The following PUM2 variants were observed in gnomAD, a reference collection of about 807,000 sequenced individuals.
PUM2 encodes pumilio RNA binding family member 2.
A neutral mutation model predicts 124.5 loss-of-function variants in PUM2; 57 were observed. The observed-to-expected ratio is 0.46, with a 90% confidence interval of 0.37 to 0.57. The LOEUF is 0.57. Among genes scored for constraint, PUM2 ranks in the 20% least tolerant of loss-of-function variants. The pLI is 0.00. For missense variants in PUM2, 1,065 were observed against 1,290.6 expected (o/e 0.83, Z 2.68); for synonymous variants, 460 against 446.1 (o/e 1.03, Z -0.39).
intron 3 of PUM2, among the ~76,000 whole-genome samples, chr2:20,315,836 C>CAAAAAA (rs60828412): frequency 2.2e-4 from 16 of 72,286 alleles, no homozygotes; most frequent in African/African-American, 6.8e-4. Context: ...AACCTGGTCT[C>CAAAAAA]AAAAAAAAAA....
chr2:20,322,936 A>C (rs1682734406), intron 2 of PUM2, among the ~76,000 whole-genome samples: 1 of 152,228 alleles, frequency 6.6e-6, no homozygotes, highest in South Asian at 2.1e-4. Flanking sequence ...TGTTAATGAA[A>C]GATATTAACA....
intron 7 of PUM2, among the ~76,000 whole-genome samples, chr2:20,306,980 GA>G (rs1678478914): frequency 6.6e-6 from 1 of 151,870 alleles, no homozygotes; most frequent in African/African-American, 2.4e-5. Context: ...TTGGGAGGCC[GA>G]GGGGGGGCTG....
chr2:20,315,343 G>A (rs775611350), intron 3 of PUM2, among the ~76,000 whole-genome samples: 2 of 152,140 alleles, frequency 1.3e-5, no homozygotes, highest in Non-Finnish European at 2.9e-5. Flanking sequence ...CTGCTGAGAG[G>A]AAGTATGTCA....
intron 1 of PUM2, among the ~76,000 whole-genome samples, chr2:20,344,349 C>A (rs1687802466): frequency 6.6e-6 from 1 of 152,190 alleles, no homozygotes; most frequent in Admixed American, 6.5e-5. Context: ...CGCCCAGCCT[C>A]ATAGTCTTTC....
chr2:20,349,266 C>G (rs961400274), intron 1 of PUM2, among the ~76,000 whole-genome samples: 1 of 152,146 alleles, frequency 6.6e-6, no homozygotes, highest in Non-Finnish European at 1.5e-5. Flanking sequence ...GGACTTAAAT[C>G]CTCAAGAACC....
chr2:20,262,826 A>C (rs1666626706), intron 14 of PUM2, among the ~76,000 whole-genome samples: 1 of 152,218 alleles, frequency 6.6e-6, no homozygotes, highest in Non-Finnish European at 1.5e-5. Context: ...ACTGAATACC[A>C]ACCTATAATG....
In PUM2 at chr2:20,294,369, G is replaced by T. The variant is rs781092829; in HGVS notation, c.1152+7C>A. ...ACTTGGTATTACTTAATAGAAGGAAGGCCTACCTGTTGCTGTCCAGGCTGA... is the reference window on the plus strand; with the variant it reads ...ACTTGGTATTACTTAATAGAAGGAATGCCTACCTGTTGCTGTCCAGGCTGA... On this transcript the variant is annotated splice_region_variant and intron_variant, in intron 9 of 20. Transcript: ENST00000361078. 1.2e-6 allele frequency: 2 copies of T among 1,612,322 alleles called. No homozygotes were observed. The highest frequency in any genetic ancestry group is 1.7e-6 in the Non-Finnish European group (2 of 1,178,962).
At chr2:20,349,988 A>T (rs1479881349) in intron 1 of PUM2, among the ~76,000 whole-genome samples, 3 of 152,130 alleles carry the variant, frequency 2.0e-5, no homozygotes, top group Non-Finnish European at 2.9e-5. Flanking sequence ...CAGATACAAA[A>T]CTACTGCTCA....
At chr2:20,313,764 A>T (rs1191751506) in intron 3 of PUM2, among the ~76,000 whole-genome samples, 1 of 135,782 alleles carries the variant, frequency 7.4e-6, no homozygotes, top group Non-Finnish European at 1.5e-5. Context: ...TGAACTCAGG[A>T]GGTTGAAGCT....
intron 1 of PUM2, among the ~76,000 whole-genome samples, chr2:20,329,050 G>A (rs1205792667): frequency 6.6e-6 from 1 of 151,902 alleles, no homozygotes; most frequent in Non-Finnish European, 1.5e-5. Context: ...GCATGCCTGT[G>A]GTCCCAGCAA....
intron 8 of PUM2, among the ~76,000 whole-genome samples, chr2:20,295,631 C>T (rs182781931): frequency 4.0e-5 from 6 of 151,442 alleles, no homozygotes; most frequent in African/African-American, 7.3e-5. Context: ...AAGGATACAT[C>T]GTAAAAATAA....
intron 10 of PUM2, among the ~76,000 whole-genome samples, chr2:20,290,041 CCATT>C (rs1673637938): frequency 6.6e-6 from 1 of 152,148 alleles, no homozygotes; most frequent in South Asian, 2.1e-4. Flanking sequence ...CGTTCTTCCT[CCATT>C]ATTATTAGTG....
intron 3 of PUM2, among the ~76,000 whole-genome samples, chr2:20,316,378 T>C (rs1680940186): frequency 6.6e-6 from 1 of 151,938 alleles, no homozygotes; most frequent in African/African-American, 2.4e-5. Context: ...ATTTAGAGAA[T>C]AAGAAAATAT....
rs1188364002 is a variant in PUM2 at position 20,301,821 on chromosome 2, A to G, written c.884-4143T>C. Among the ~76,000 whole-genome samples the G allele has an allele frequency of 2.6e-5, 4 of 152,062 alleles. No homozygotes were observed. The East Asian group carries it at 7.7e-4, about 29-fold the overall frequency. The stretch of plus-strand genomic sequence containing the variant: ...TCAAACTCCTGGGCTCAAGCAATCC[A>G]CCCAACTTGACCTCCCCACAATGCT... On this transcript the variant is annotated intron_variant, in intron 7 of 20. Coordinates refer to ENST00000361078, the MANE Select transcript of PUM2 (RefSeq NM_015317.5).
At chr2:20,318,080 A>T (rs1277432649) in intron 3 of PUM2, among the ~76,000 whole-genome samples, 2 of 152,184 alleles carry the variant, frequency 1.3e-5, no homozygotes, top group East Asian at 3.8e-4. Flanking sequence ...TTGAATGGTA[A>T]TTCTGTTTTT....
intron 1 of PUM2, among the ~76,000 whole-genome samples, chr2:20,349,317 ACCTTTT>A (rs1688851133): frequency 6.6e-6 from 1 of 152,180 alleles, no homozygotes; most frequent in South Asian, 2.1e-4. Context: ...ATTATCGTAA[ACCTTTT>A]CTGCATACAA....
chr2:20,341,854 G>A (rs926343281), intron 1 of PUM2, among the ~76,000 whole-genome samples: 3 of 152,140 alleles, frequency 2.0e-5, no homozygotes, highest in African/African-American at 7.2e-5. Context: ...TAGAGGCCTA[G>A]CATGGTTGCT....
chr2:20,348,821 C>T (rs1158308865), intron 1 of PUM2, among the ~76,000 whole-genome samples: 1 of 152,172 alleles, frequency 6.6e-6, no homozygotes, highest in Non-Finnish European at 1.5e-5. Context: ...TACAGTTACT[C>T]GGAAGGCTCA....
intron 12 of PUM2, 61 bp from the exon 13 acceptor site, chr2:20,278,880 C>A (rs375766408): frequency 5.7e-6 from 7 of 1,236,264 alleles, no homozygotes; most frequent in African/African-American, 1.5e-5. Context: ...AAATCTATCC[C>A]CAACTCTCGC....
Sources: allele counts gnomAD v4.1 joint callset (sites outside exome capture counted in the v4.1 genomes callset), GRCh38; gene constraint gnomAD v4.1.1; transcripts MANE v1.5; gene names NCBI Gene and HGNC (gene_info 2026-07-23, HGNC 2026-07-21).